INPP4B: variants seen among roughly 807,000 people sequenced by gnomAD.
INPP4B encodes the protein inositol polyphosphate 4-phosphatase type II.
In INPP4B, 55 loss-of-function variants were observed where a neutral mutation model predicts 122.5. The ratio of observed to expected loss-of-function variants is 0.45; its 90% CI spans 0.36 to 0.56. INPP4B has a LOEUF of 0.56. INPP4B is among the 20% of genes least tolerant of loss of function. INPP4B has a pLI of 0.00. For missense variants in INPP4B, 1,000 were observed against 1,097.7 expected (o/e 0.91, Z 1.26); for synonymous variants, 403 against 388.7 (o/e 1.04, Z -0.43).
intron 1 of INPP4B, among the ~76,000 whole-genome samples, chr4:142,735,633 T>C (rs1365946367): frequency 6.6e-6 from 1 of 152,192 alleles, no homozygotes; most frequent in African/African-American, 2.4e-5. Flanking sequence ...CCCCGATCCT[T>C]TGACTTCTCA....
chr4:142,067,674 C>T (rs767884754), intron 25 of INPP4B, among the ~76,000 whole-genome samples: 1 of 151,926 alleles, frequency 6.6e-6, no homozygotes, highest in Non-Finnish European at 1.5e-5. Context: ...ACGAGAAGTA[C>T]GCGACACATG....
intron 7 of INPP4B, among the ~76,000 whole-genome samples, chr4:142,320,863 CT>C (rs1769738839): frequency 6.6e-6 from 1 of 152,132 alleles, no homozygotes; most frequent in African/African-American, 2.4e-5. Context: ...TCTTTATCTA[CT>C]CATTGATTGA....
chr4:142,613,518 A>G lies in INPP4B; in HGVS notation c.-191+112321T>C, dbSNP rs1459595521. On this transcript the variant is annotated intron_variant, in intron 2 of 25. Transcript: ENST00000262992. ...ACTGATTATACTGCAGTAGACTCTC[A>G]GTGTGTAGCTATGGCTACAGATCCT... Among the ~76,000 whole-genome samples, 4 of 152,204 alleles carry G rather than the reference A, an allele frequency of 2.6e-5. No individual in the cohort carries two copies. In the South Asian group the frequency reaches 8.3e-4, roughly 31 times the overall value.
rs369839332 is a variant in INPP4B, at chr4:142,843,641, G to A, written c.-254+2568C>T. On this transcript the variant is annotated intron_variant, in intron 1 of 25. Transcript: ENST00000262992. Reference sequence around the variant, plus strand: ...CTGGGCATCACTCAGTATGAAATAAGAAAATGTAATAGATATTCAGTAAGC... The same window carrying A: ...CTGGGCATCACTCAGTATGAAATAAAAAAATGTAATAGATATTCAGTAAGC... Among the ~76,000 whole-genome samples the A allele has an allele frequency of 2.6e-5, 4 of 152,070 alleles. No individual in the cohort carries two copies. In the East Asian group the frequency reaches 7.7e-4, roughly 29 times the overall value.
At chr4:142,396,182 C>G (rs968942774) in intron 7 of INPP4B, among the ~76,000 whole-genome samples, 1 of 151,958 alleles carries the variant, frequency 6.6e-6, no homozygotes, top group South Asian at 2.1e-4. Context: ...TTAGGCTAAG[C>G]CAAAGACTAA....
chr4:142,165,142 T>C (rs17015623), intron 16 of INPP4B, among the ~76,000 whole-genome samples: 14,880 of 151,764 alleles, frequency 0.098, 809 homozygotes, highest in Middle Eastern at 0.14. Context: ...TGCAAAGCCC[T>C]TAGAGTTCAG....
intron 2 of INPP4B, among the ~76,000 whole-genome samples, chr4:142,621,532 C>G (rs1744931265): frequency 6.6e-6 from 1 of 151,864 alleles, no homozygotes; most frequent in Non-Finnish European, 1.5e-5. Context: ...GAGATAAATT[C>G]AGACCATAGC....
At chr4:142,225,716 A>G (rs1851252420) in intron 12 of INPP4B, among the ~76,000 whole-genome samples, 1 of 152,026 alleles carries the variant, frequency 6.6e-6, no homozygotes, top group Non-Finnish European at 1.5e-5. Flanking sequence ...GAAAGGGGGC[A>G]GGAGAAAAAG....
intron 25 of INPP4B, among the ~76,000 whole-genome samples, chr4:142,052,482 T>G (rs367758419): frequency 1.3e-5 from 2 of 152,088 alleles, no homozygotes; most frequent in African/African-American, 4.8e-5. Flanking sequence ...AAATAAGTAT[T>G]GTATATTACA....
Position 142,529,893 on chromosome 4 carries a change from A to G in INPP4B, c.-190-67167T>C, listed in dbSNP as rs868527493. Among the ~76,000 whole-genome samples the G allele has an allele frequency of 2.6e-5, 4 of 152,160 alleles. No homozygotes were observed. The South Asian group carries it at 6.2e-4, about 24-fold the overall frequency. ...TCACCAAAGTTCTGCACTCACAAAA[A>G]AATAAAAAAGAGAAACAGAGGTATG... On this transcript the variant is annotated intron_variant, in intron 2 of 25. Transcript: ENST00000262992.
intron 2 of INPP4B, among the ~76,000 whole-genome samples, chr4:142,498,532 T>C (rs1412406727): frequency 1.3e-5 from 2 of 152,036 alleles, no homozygotes; most frequent in South Asian, 2.1e-4. Flanking sequence ...CTCACACCTG[T>C]AATCCCAGCA....
At chr4:142,103,261 T>A (rs1785355506) in intron 23 of INPP4B, among the ~76,000 whole-genome samples, 1 of 152,118 alleles carries the variant, frequency 6.6e-6, no homozygotes, top group Admixed American at 6.6e-5. Flanking sequence ...CAATAATTTC[T>A]ACTTTTTATG....
intron 2 of INPP4B, among the ~76,000 whole-genome samples, chr4:142,707,154 A>T (rs1038569012): frequency 2.0e-5 from 3 of 152,308 alleles, no homozygotes; most frequent in Non-Finnish European, 4.4e-5. Context: ...ACCACTCTTG[A>T]CATACACTCT....
At chr4:142,134,187 G>T (rs117630626) in intron 18 of INPP4B, among the ~76,000 whole-genome samples, 1 of 152,078 alleles carries the variant, frequency 6.6e-6, no homozygotes, top group Non-Finnish European at 1.5e-5. Flanking sequence ...TTAAAAACGT[G>T]GCATCCTTTT....
chr4:142,410,665 T>C (rs1437545145), intron 5 of INPP4B, among the ~76,000 whole-genome samples: 1 of 152,158 alleles, frequency 6.6e-6, no homozygotes, highest in Non-Finnish European at 1.5e-5. Context: ...ATATATGACT[T>C]TGGATGAATT....
intron 2 of INPP4B, among the ~76,000 whole-genome samples, chr4:142,680,725 T>TA (rs1308271207): frequency 6.6e-6 from 1 of 151,882 alleles, no homozygotes; most frequent in Non-Finnish European, 1.5e-5. Flanking sequence ...AGGCTGCCAA[T>TA]ACTAAAAATA....
At chr4:142,109,534 TCTCCTCC>T (rs1251249779) in intron 22 of INPP4B, among the ~76,000 whole-genome samples, 1 of 151,908 alleles carries the variant, frequency 6.6e-6, no homozygotes, top group Non-Finnish European at 1.5e-5. Context: ...GTAGTTACAC[TCTCCTCC>T]CTTAGCAGCA....
intron 1 of INPP4B, among the ~76,000 whole-genome samples, chr4:142,784,840 T>C (rs1490187360): frequency 2.6e-5 from 4 of 152,140 alleles, no homozygotes; most frequent in Admixed American, 6.6e-5. Context: ...GCCAGAGCTT[T>C]ATCTGACCTA....
chr4:142,631,905 T>G (rs1580561760), intron 2 of INPP4B, among the ~76,000 whole-genome samples: 1 of 152,234 alleles, frequency 6.6e-6, no homozygotes, highest in African/African-American at 2.4e-5. Context: ...TTGAGGGAAC[T>G]TACAGACAGA....
Sources: allele counts gnomAD v4.1 joint callset (sites outside exome capture counted in the v4.1 genomes callset), GRCh38; gene constraint gnomAD v4.1.1; transcripts MANE v1.5; gene names NCBI Gene and HGNC (gene_info 2026-07-23, HGNC 2026-07-21).